GRIK2: variants seen among roughly 807,000 people sequenced by gnomAD.
GRIK2 encodes the protein glutamate ionotropic receptor kainate type subunit 2.
A neutral mutation model predicts 100.3 loss-of-function variants in GRIK2; 32 were observed. That is an observed-to-expected ratio of 0.32 (90% CI 0.24 to 0.43). The LOEUF (loss-of-function observed/expected upper bound fraction) is 0.43. GRIK2 is among the 20% of genes least tolerant of loss of function. The pLI, the probability that GRIK2 is intolerant of heterozygous loss-of-function variation, is 1.00. For synonymous variants in GRIK2, 417 were observed against 389.4 expected (o/e 1.07, Z -0.83); for missense variants, 843 against 1,114.9 (o/e 0.76, Z 3.47).
chr6:101,933,657 AC>A (rs1287128549), intron 14 of GRIK2, among the ~76,000 whole-genome samples: 9 of 151,858 alleles, frequency 5.9e-5, no homozygotes, highest in African/African-American at 2.2e-4. Context: ...GCACCTTGTT[AC>A]TTTTGTCAAA....
intron 9 of GRIK2, among the ~76,000 whole-genome samples, chr6:101,805,902 G>A (rs991448727): frequency 1.3e-5 from 2 of 152,056 alleles, no homozygotes; most frequent in African/African-American, 4.8e-5. Flanking sequence ...TCTGATGAAT[G>A]GGAAAAGGTG....
At chr6:101,548,256 C>A (rs1776344581) in intron 2 of GRIK2, among the ~76,000 whole-genome samples, 1 of 152,236 alleles carries the variant, frequency 6.6e-6, no homozygotes. Context: ...AAAATTGTCT[C>A]CCATTTTGTA....
At chr6:101,765,240 G>A (rs1479127580) in intron 7 of GRIK2, among the ~76,000 whole-genome samples, 1 of 152,016 alleles carries the variant, frequency 6.6e-6, no homozygotes, top group African/African-American at 2.4e-5. Flanking sequence ...AATTTGTACT[G>A]CATCTTCAAT....
At chr6:101,883,925 T>C (rs1197893178) in intron 11 of GRIK2, among the ~76,000 whole-genome samples, 3 of 152,144 alleles carry the variant, frequency 2.0e-5, no homozygotes, top group Non-Finnish European at 4.4e-5. Flanking sequence ...TGGAGGATAC[T>C]GAGCAGAAAG....
intron 4 of GRIK2, among the ~76,000 whole-genome samples, chr6:101,633,558 T>A (rs756245902): frequency 1.3e-5 from 2 of 152,190 alleles, no homozygotes; most frequent in Non-Finnish European, 2.9e-5. Flanking sequence ...ATGTGCCATT[T>A]TTCTTCACTA....
chr6:101,594,860 A>G lies in GRIK2; in HGVS notation c.116-27089A>G, dbSNP rs535962547. 9.9e-5 allele frequency among the ~76,000 whole-genome samples: 15 copies of G among 151,836 alleles called. No individual in the cohort carries two copies. The South Asian group carries it at 3.1e-3, about 31-fold the overall frequency. On this transcript the variant is annotated intron_variant, in intron 2 of 16. Coordinates refer to ENST00000369134, the MANE Select transcript of GRIK2 (RefSeq NM_021956.5). ...GAATTACAGGGAATCAGAATTGGTG[A>G]GACATCTTTTTGTGTTTTTTTCTCT...
At chr6:101,533,942 G>C (rs1775565349) in intron 2 of GRIK2, among the ~76,000 whole-genome samples, 1 of 151,740 alleles carries the variant, frequency 6.6e-6, no homozygotes, top group South Asian at 2.1e-4. Context: ...GTGAATTTCT[G>C]ATTTTGAGTA....
At chr6:101,594,829 G>C (rs1006008770) in intron 2 of GRIK2, among the ~76,000 whole-genome samples, 3 of 151,696 alleles carry the variant, frequency 2.0e-5, no homozygotes, top group Non-Finnish European at 4.4e-5. Flanking sequence ...AGGCAGATAG[G>C]GCGGTGAATT....
At chr6:101,619,152 G>T (rs1321420811) in intron 2 of GRIK2, among the ~76,000 whole-genome samples, 1 of 150,368 alleles carries the variant, frequency 6.7e-6, no homozygotes, top group Non-Finnish European at 1.5e-5. Flanking sequence ...TTCTTTACTA[G>T]ATTTTTTTCA....
At chr6:101,798,170 C>T (rs1780444248) in intron 7 of GRIK2, among the ~76,000 whole-genome samples, 2 of 151,526 alleles carry the variant, frequency 1.3e-5, no homozygotes, top group Admixed American at 1.3e-4. Context: ...TTTTAAGGCT[C>T]TCTTACGTTT....
chr6:102,033,239 G>T (rs2114417013), intron 14 of GRIK2, among the ~76,000 whole-genome samples: 2 of 148,332 alleles, frequency 1.3e-5, no homozygotes, highest in East Asian at 3.9e-4. Flanking sequence ...TATTTTGCTT[G>T]AAAAAAATTC....
chr6:102,043,982 A>T (rs1413965), intron 15 of GRIK2, among the ~76,000 whole-genome samples: 42,097 of 151,786 alleles, frequency 0.28, 5,898 homozygotes, highest in Non-Finnish European at 0.3. Flanking sequence ...CCTAACCACA[A>T]AGAGCTGTGA....
rs1476303944 is a variant in GRIK2 at position 101,626,414 on chromosome 6, C to T, written c.318C>T (p.Ile106=). 1 of 1,613,366 alleles carries T rather than the reference C, an allele frequency of 6.2e-7. No individual in the cohort carries two copies. ...CDQLSLGVAA[I]FGPSHSSSAN... ...AGCTGTCTCTTGGGGTGGCTGCCAT[C>T]TTCGGGCCTTCACACAGCTCATCAG... Residue 106 remains isoleucine (I), a synonymous_variant, in exon 4 of 17, where the codon ATC becomes ATT. Coordinates refer to ENST00000369134, the MANE Select transcript of GRIK2 (RefSeq NM_021956.5).
intron 7 of GRIK2, among the ~76,000 whole-genome samples, chr6:101,725,309 G>A (rs1382069452): frequency 6.6e-6 from 1 of 152,022 alleles, no homozygotes; most frequent in East Asian, 1.9e-4. Flanking sequence ...TGAAGGCTAT[G>A]TGATCTTAGT....
At chr6:101,540,953 C>A (rs528991059) in intron 2 of GRIK2, among the ~76,000 whole-genome samples, 1 of 151,810 alleles carries the variant, frequency 6.6e-6, no homozygotes, top group African/African-American at 2.4e-5. Context: ...GTAGTGCAAG[C>A]AAGAATAATA....
intron 14 of GRIK2, among the ~76,000 whole-genome samples, chr6:101,985,429 A>C (rs962865083): frequency 6.6e-6 from 1 of 151,728 alleles, no homozygotes; most frequent in African/African-American, 2.4e-5. Flanking sequence ...CCCTGGTGAC[A>C]TTCTGGCTTT....
At chr6:101,769,626 A>G (rs969544129) in intron 7 of GRIK2, among the ~76,000 whole-genome samples, 4 of 152,186 alleles carry the variant, frequency 2.6e-5, no homozygotes, top group Non-Finnish European at 5.9e-5. Flanking sequence ...ACAAATTATG[A>G]GTATCTTTTT....
At chr6:101,858,096 A>G (rs149602208) in intron 10 of GRIK2, among the ~76,000 whole-genome samples, 1 of 152,232 alleles carries the variant, frequency 6.6e-6, no homozygotes, top group East Asian at 1.9e-4. Context: ...TCAGGAAATT[A>G]CTTAATTTTG....
At chr6:101,750,657 T>C (rs189944900) in intron 7 of GRIK2, among the ~76,000 whole-genome samples, 80 of 152,326 alleles carry the variant, frequency 5.3e-4, no homozygotes, top group African/African-American at 1.8e-3. Context: ...GGGAGAATTA[T>C]GCAATTATTT....
Sources: gnomAD v4.1 joint callset for allele counts (sites outside exome capture counted in the v4.1 genomes callset) on GRCh38, gnomAD v4.1.1 for gene constraint, MANE v1.5 for transcripts, NCBI Gene and HGNC (gene_info 2026-07-23, HGNC 2026-07-21) for gene names.